TTYH1: variants seen among roughly 807,000 people sequenced by gnomAD.
TTYH1 encodes the protein tweety family member 1, also known as protein tweety homolog 1.
In TTYH1, 33 loss-of-function variants were observed where a neutral mutation model predicts 61.2. The observed-to-expected ratio is 0.54, with a 90% CI of 0.41 to 0.72. The LOEUF is 0.72. Ranked by LOEUF, TTYH1 falls within the 30% of genes least tolerant of loss-of-function variation. The probability of loss-of-function intolerance (pLI) is 0.00; values close to 1 mark genes in which losing one functional copy is unlikely to be tolerated. For synonymous variants in TTYH1, 308 were observed against 266.4 expected (o/e 1.16, Z -1.52); for missense variants, 538 against 575.8 (o/e 0.93, Z 0.67).
rs1372515651 is a variant in TTYH1 at position 54,430,923 on chromosome 19, C to T, written c.1032+18C>T. The T allele has an allele frequency of 1.2e-5, 20 of 1,609,380 alleles. No homozygotes were observed. The highest frequency in any genetic ancestry group is 1.7e-5 in the Non-Finnish European group (20 of 1,178,414). The stretch of plus-strand genomic sequence containing the variant: ...CAGCGCAGGTCGGTGGGTGGGCGCT[C>T]CCCAGACACGCGGACCCCACGGGGA... On this transcript the variant is annotated intron_variant, in intron 9 of 13. Coordinates refer to ENST00000376530, the MANE Select transcript of TTYH1 (RefSeq NM_020659.4).
Position 54,430,905 on chromosome 19 carries a change from G to C in TTYH1, c.1032G>C (p.Gln344His). 2 of 1,612,326 alleles carry C rather than the reference G, an allele frequency of 1.2e-6. No individual in the cohort carries two copies. Among genetic ancestry groups the C allele is most frequent in the Non-Finnish European group, 1.7e-6 (2 of 1,179,912 alleles). ...CTGTGCCTCAGTTCCCTTCAGCGCA[G>C]GTCGGTGGGTGGGCGCTCCCCAGAC... ...REAVPQFPSA[Q>H]KPLLSLEETL... The change falls in exon 9 of 14, where the codon CAG becomes CAC. Residue 344 changes from glutamine to histidine, a missense_variant and splice_region_variant. Physicochemically the swap from Gln to His is conservative, Grantham distance 24. Around this residue, in one of 3 missense-constraint regions of TTYH1, gnomAD observed 378 missense variants for 401.2 expected, o/e 0.94. Transcript: ENST00000376530.
intron 10 of TTYH1, chr19:54,431,605 A>G: frequency 4.5e-6 from 1 of 220,372 alleles, no homozygotes. Flanking sequence ...GACCAAGGGC[A>G]AGTCACCTAA....
In TTYH1 at chr19:54,421,452, A is replaced by G; in HGVS notation, c.417+64A>G. 8.9e-7 allele frequency: 1 copy of G among 1,118,966 alleles called. No individual in the cohort carries two copies. The highest frequency in any genetic ancestry group is 1.2e-5 in the South Asian group (1 of 81,436). 69.3% of individuals were successfully genotyped at this position (1,118,966 alleles called of 1,614,324 possible). ...CTGGACGGGCTCCCCACACCCAAGGACAAAGGGATCCAAACTCAGAGCTAA... is the reference window on the plus strand; with the variant it reads ...CTGGACGGGCTCCCCACACCCAAGGGCAAAGGGATCCAAACTCAGAGCTAA... On this transcript the variant is annotated intron_variant, in intron 3 of 13. Transcript: ENST00000376530. This position sits in a 1 kb window ranked among gnomAD's most constrained non-coding sequence, Gnocchi z 4.8.
chr19:54,419,220 GC>G lies in TTYH1; in HGVS notation c.225del (p.Glu76SerfsTer76). 2 of 1,609,912 alleles carry G rather than the reference GC, an allele frequency of 1.2e-6. No individual in the cohort carries two copies. ...ACCTCATCCGCTTCTGCTGCTGCCG[GC>G]CCCCCGAGCCCCCCGGGTCCAAGAT... ...VYLIRFCCCRPPEPPGSKIPS... is the reference protein window; with the variant it reads ...VYLIRFCCCRXPEPPGSKIPS... On this transcript the variant is annotated frameshift_variant, in exon 2 of 14. Transcript: ENST00000376530. LOFTEE classifies it high-confidence loss of function. The surrounding 1 kb of genome is among the most constrained non-coding windows in gnomAD (Gnocchi z 6.1).
At chr19:54,435,989 C>T (rs902395690) in intron 12 of TTYH1, 102 bp from the exon 13 acceptor site, 15 of 1,562,718 alleles carry the variant, frequency 9.6e-6, no homozygotes, top group Admixed American at 5.1e-5. Flanking sequence ...GGCTGGGGCC[C>T]GGACTCCTGG....
chr19:54,436,557 C>T lies in TTYH1; in HGVS notation c.*267C>T. The T allele has an allele frequency of 6.1e-6, 4 of 650,712 alleles. No homozygotes were observed. Among genetic ancestry groups the T allele is most frequent in the Non-Finnish European group, 1.1e-5 (4 of 369,534 alleles). 40.3% of individuals were successfully genotyped at this position (650,712 alleles called of 1,614,324 possible). On this transcript the variant is annotated 3_prime_UTR_variant, in exon 14 of 14. Coordinates refer to ENST00000376530, the MANE Select transcript of TTYH1 (RefSeq NM_020659.4). The surrounding 1 kb of genome is among the most constrained non-coding windows in gnomAD (Gnocchi z 4.3). ...CTCGCCTCGCACCCTTCATCCCTGG[C>T]TGCCGGTCCCATCCTTGGAGGGACT...
At position 54,416,401 on chromosome 19, in the gene TTYH1, G is replaced by A. The variant is rs529036198; in HGVS notation, c.126+723G>A. Reference sequence around the variant, plus strand: ...CCGGTGTCCCTGGGGAAGGGGCCCGGCTCGGGGCAGCTCCAATGGGCGAAA... The same window carrying A: ...CCGGTGTCCCTGGGGAAGGGGCCCGACTCGGGGCAGCTCCAATGGGCGAAA... On this transcript the variant is annotated intron_variant, in intron 1 of 13. Coordinates refer to ENST00000376530, the MANE Select transcript of TTYH1 (RefSeq NM_020659.4). This position sits in a 1 kb window ranked among gnomAD's most constrained non-coding sequence, Gnocchi z 7.0. 7 of 260,080 alleles carry A rather than the reference G, an allele frequency of 2.7e-5. No individual in the cohort carries two copies. The highest frequency in any genetic ancestry group is 2.2e-4 in the South Asian group (6 of 27,364). 16.1% of individuals were successfully genotyped at this position (260,080 alleles called of 1,614,324 possible).
chr19:54,426,858 C>G lies in TTYH1; in HGVS notation c.734+90C>G. 3.3e-6 allele frequency: 4 copies of G among 1,210,026 alleles called. 1 individual carries two copies. In the African/African-American group the frequency reaches 5.9e-5, roughly 18 times the overall value. 75.0% of individuals were successfully genotyped at this position (1,210,026 alleles called of 1,614,324 possible). ...TCTTACAACTCTCCTACACGGAGGA[C>G]CGTGGTCCTTCACGGCCGGGTACAC... On this transcript the variant is annotated intron_variant, in intron 5 of 13. Coordinates refer to ENST00000376530, the MANE Select transcript of TTYH1 (RefSeq NM_020659.4).
chr19:54,430,676 G>A, intron 8 of TTYH1, 71 bp downstream of exon 8: 1 of 1,564,988 alleles, frequency 6.4e-7, no homozygotes, highest in Non-Finnish European at 8.8e-7. Context: ...GAGGGGGCGG[G>A]GCTGGGGCTG....
In TTYH1 at chr19:54,429,944, A is replaced by G; in HGVS notation, c.870A>G (p.Thr290=). 1 of 1,613,942 alleles carries G rather than the reference A, an allele frequency of 6.2e-7. No homozygotes were observed. The highest frequency in any genetic ancestry group is 8.5e-7 in the Non-Finnish European group (1 of 1,179,876). ...TTCTGAACCTGACCCAGGAGGAGAC[A>G]GGGCTCAGCTCAGGTGATTTCCAAG... ...PYVLNLTQEE[T]GLSSDILSYY... Residue 290 remains threonine, a synonymous_variant, in exon 7 of 14, where the codon ACA becomes ACG. Coordinates refer to ENST00000376530, the MANE Select transcript of TTYH1 (RefSeq NM_020659.4). This position sits in a 1 kb window ranked among gnomAD's most constrained non-coding sequence, Gnocchi z 5.1.
At chr19:54,431,540 G>A (rs2083445484) in intron 10 of TTYH1, 1 of 339,076 alleles carries the variant, frequency 2.9e-6, no homozygotes, top group African/African-American at 2.2e-5. Flanking sequence ...CCTCCTAGAG[G>A]CTGCCGCTTA....
chr19:54,429,440 C>A lies in TTYH1; in HGVS notation c.807+61C>A. The A allele has an allele frequency of 1.3e-6, 2 of 1,485,470 alleles. No individual in the cohort carries two copies. Among genetic ancestry groups the A allele is most frequent in the Non-Finnish European group, 1.9e-6 (2 of 1,068,144 alleles). 92.0% of individuals were successfully genotyped at this position (1,485,470 alleles called of 1,614,324 possible). The stretch of plus-strand genomic sequence containing the variant: ...TCAGGGGGCCTGGAGACTTCAACTT[C>A]TGGATCTCGGGATGGCATGGCTTAG... On this transcript the variant is annotated intron_variant, in intron 6 of 13. Coordinates refer to ENST00000376530, the MANE Select transcript of TTYH1 (RefSeq NM_020659.4). The surrounding 1 kb of genome is among the most constrained non-coding windows in gnomAD (Gnocchi z 5.1).
chr19:54,423,300 C>T (rs1031141338), intron 4 of TTYH1, among the ~76,000 whole-genome samples: 17 of 151,236 alleles, frequency 1.1e-4, no homozygotes, highest in East Asian at 2.0e-4. Flanking sequence ...TGGATTCAAG[C>T]GATTCTCCTG....
At position 54,415,963 on chromosome 19, in the gene TTYH1, G is replaced by A. The variant is rs767097527; in HGVS notation, c.126+285G>A. On this transcript the variant is annotated intron_variant, in intron 1 of 13. Coordinates refer to ENST00000376530, the MANE Select transcript of TTYH1 (RefSeq NM_020659.4). This position sits in a 1 kb window ranked among gnomAD's most constrained non-coding sequence, Gnocchi z 5.2. ...GGAGGGGAGGGGGGCCCGGATTCCC[G>A]GGTGTCTGATACCTGCCTGGGAAGC... The A allele has an allele frequency of 2.6e-6, 3 of 1,174,660 alleles. No individual in the cohort carries two copies. The highest frequency in any genetic ancestry group is 2.7e-5 in the South Asian group (2 of 75,154). 72.8% of individuals were successfully genotyped at this position (1,174,660 alleles called of 1,614,324 possible).
At chr19:54,426,506 G>T (rs1232028644) in intron 4 of TTYH1, 167 bp from the exon 5 acceptor site, 11 of 649,124 alleles carry the variant, frequency 1.7e-5, no homozygotes, top group Non-Finnish European at 2.5e-5. Flanking sequence ...TTTCACAGAG[G>T]ACCTGGGCTG....
At chr19:54,422,444 C>T in intron 4 of TTYH1, 34 bp downstream of exon 4, 3 of 1,477,226 alleles carry the variant, frequency 2.0e-6, no homozygotes, top group South Asian at 2.7e-5. Flanking sequence ...TCTGTGCCGG[C>T]AGCTCTCAGG....
rs559630983 is a variant in TTYH1 at position 54,420,467 on chromosome 19, C to T, written c.306-810C>T. Among the ~76,000 whole-genome samples the T allele has an allele frequency of 2.3e-4, 35 of 151,984 alleles. No individual in the cohort carries two copies. Among genetic ancestry groups the T allele is most frequent in the Non-Finnish European group, 3.8e-4 (26 of 67,920 alleles). On this transcript the variant is annotated intron_variant, in intron 2 of 13. Coordinates refer to ENST00000376530, the MANE Select transcript of TTYH1 (RefSeq NM_020659.4). This position sits in a 1 kb window ranked among gnomAD's most constrained non-coding sequence, Gnocchi z 4.8. ...GGGCGGGGACACTGGGCGTCCGACCCGAGGGATGGGGGTGGAGGCCCAGCC... is the reference window on the plus strand; with the variant it reads ...GGGCGGGGACACTGGGCGTCCGACCTGAGGGATGGGGGTGGAGGCCCAGCC...
At position 54,436,392 on chromosome 19, in the gene TTYH1, T is replaced by G; in HGVS notation, c.*102T>G. On this transcript the variant is annotated 3_prime_UTR_variant, in exon 14 of 14. Transcript: ENST00000376530. The surrounding 1 kb of genome is among the most constrained non-coding windows in gnomAD (Gnocchi z 4.3). The stretch of plus-strand genomic sequence containing the variant: ...CCCAGCCTGCCTGGGCTCTGACCAC[T>G]AACACTCTTGGCCATGGACAGCCTG... 2 of 1,613,690 alleles carry G rather than the reference T, an allele frequency of 1.2e-6. No individual in the cohort carries two copies. The highest frequency in any genetic ancestry group is 1.7e-6 in the Non-Finnish European group (2 of 1,179,680).
chr19:54,420,236 T>G lies in TTYH1; in HGVS notation c.305+930T>G. Among the ~76,000 whole-genome samples, 1 of 151,434 alleles carries G rather than the reference T, an allele frequency of 6.6e-6. No homozygotes were observed. Among genetic ancestry groups the G allele is most frequent in the East Asian group, 1.9e-4 (1 of 5,132 alleles). ...GCAATCCTCTTCCACAGACGGGGGGTCCCAGAGGGCCAGACGCCTGCCCCG... is the reference window on the plus strand; with the variant it reads ...GCAATCCTCTTCCACAGACGGGGGGGCCCAGAGGGCCAGACGCCTGCCCCG... On this transcript the variant is annotated intron_variant, in intron 2 of 13. Transcript: ENST00000376530. The surrounding 1 kb of genome is among the most constrained non-coding windows in gnomAD (Gnocchi z 4.8).
Sources: gnomAD v4.1 joint callset for allele counts (sites outside exome capture counted in the v4.1 genomes callset) on GRCh38, gnomAD v4.1.1 for gene constraint, gnomAD v4.1.1 regional missense constraint, Gnocchi (gnomAD v3.1) non-coding constraint, MANE v1.5 for transcripts, NCBI Gene and HGNC (gene_info 2026-07-23, HGNC 2026-07-21) for gene names.